The following IKBIP variants were observed in gnomAD, a reference collection of about 807,000 sequenced individuals.
The protein encoded by IKBIP is IKBKB interacting protein.
A neutral mutation model predicts 31.0 loss-of-function variants in IKBIP; 28 were observed. The observed-to-expected ratio is 0.90, with a 90% confidence interval of 0.67 to 1.24. The LOEUF (loss-of-function observed/expected upper bound fraction) is 1.24. Ranked by LOEUF, IKBIP falls within the 50% of genes most tolerant of loss-of-function variation. The pLI, the probability that IKBIP is intolerant of heterozygous loss-of-function variation, is 0.00. For synonymous variants in IKBIP, 164 were observed against 160.3 expected (o/e 1.02, Z -0.17); for missense variants, 453 against 441.9 (o/e 1.03, Z -0.23).
rs375253279 is a variant in IKBIP, at chr12:98,627,521, C to A, written c.298-755G>T. 1.3e-3 allele frequency among the ~76,000 whole-genome samples: 193 copies of A among 150,698 alleles called. 1 individual carries two copies. The highest frequency in any genetic ancestry group is 4.5e-3 in the African/African-American group (186 of 41,050). On this transcript the variant is annotated intron_variant, in intron 2 of 2. Transcript: ENST00000299157. ...TGGCGTGATCTCGGCTCACTGCAAG[C>A]TCCGCCTCCCAGGTTCAAGCCATTC... is the stretch of plus-strand genomic sequence containing the variant.
chr12:98,627,428 GTTTTCT>G (rs2097615599), intron 2 of IKBIP, among the ~76,000 whole-genome samples: 1 of 140,978 alleles, frequency 7.1e-6, no homozygotes, highest in African/African-American at 2.7e-5. Context: ...TTTGATGTCA[GTTTTCT>G]TTTTCTTTTT....
At chr12:98,628,275 A>T (rs757576148) in intron 2 of IKBIP, among the ~76,000 whole-genome samples, 61 of 152,274 alleles carry the variant, frequency 4.0e-4, no homozygotes, top group Non-Finnish European at 4.7e-4. Context: ...TTCAGTGATG[A>T]AGGAAAGTAT....
At chr12:98,642,135 G>C (rs7965771) in intron 1 of IKBIP, among the ~76,000 whole-genome samples, 70,150 of 152,012 alleles carry the variant, frequency 0.46, 16,633 homozygotes, top group Admixed American at 0.54. Context: ...GCTTATCCCA[G>C]GATAGTAACT....
Position 98,633,510 on chromosome 12 carries a change from C to CTTTTTTTTTTT in IKBIP, c.297+775_297+785dup, listed in dbSNP as rs71432181. On this transcript the variant is annotated intron_variant, in intron 2 of 2. Transcript: ENST00000299157. ...GCTAGCCGTTCTTTTTTTTTTAATTCTTTTTTTTTTTTTTTTTTTTTTTTG... is the reference window on the plus strand; with the variant it reads ...GCTAGCCGTTCTTTTTTTTTTAATTCTTTTTTTTTTTTTTTTTTTTTTTTTTTTTTTTTTTG... Among the ~76,000 whole-genome samples, 44 of 61,392 alleles carry CTTTTTTTTTTT rather than the reference C, an allele frequency of 7.2e-4. 1 individual carries two copies. Among genetic ancestry groups the CTTTTTTTTTTT allele is most frequent in the East Asian group, 1.2e-3 (2 of 1,658 alleles). 40.3% of individuals were successfully genotyped at this position (61,392 alleles called of 152,430 possible).
At position 98,624,727 on chromosome 12, in the gene IKBIP, A is replaced by G; in HGVS notation, c.*1203T>C. On this transcript the variant is annotated 3_prime_UTR_variant, in exon 3 of 3. Coordinates refer to ENST00000299157, the MANE Select transcript of IKBIP (RefSeq NM_153687.4). ...AAATCTTTAAAATGACGTATTTTTA[A>G]CTATCATAGTTATTATCATAATTAA... 4 of 895,648 alleles carry G rather than the reference A, an allele frequency of 4.5e-6. No homozygotes were observed. The highest frequency in any genetic ancestry group is 5.3e-6 in the Non-Finnish European group (4 of 748,242). 55.5% of individuals were successfully genotyped at this position (895,648 alleles called of 1,614,324 possible). A position where few individuals can be genotyped will look rare whatever the true frequency, so the allele number is the denominator to read the frequency against.
At chr12:98,643,189 G>C (rs1259598118) in intron 1 of IKBIP, among the ~76,000 whole-genome samples, 4 of 152,152 alleles carry the variant, frequency 2.6e-5, no homozygotes, top group Admixed American at 6.6e-5. Flanking sequence ...CTGACCTCAT[G>C]ATCTGCCCAC....
chr12:98,626,857 C>A, intron 2 of IKBIP, 91 bp from the exon 3 acceptor site: 3 of 970,592 alleles, frequency 3.1e-6, no homozygotes, highest in Non-Finnish European at 4.6e-6. Flanking sequence ...ATAACACATG[C>A]CACGTTAAAA....
intron 1 of IKBIP, among the ~76,000 whole-genome samples, chr12:98,637,610 T>A (rs1176233680): frequency 6.6e-6 from 1 of 152,238 alleles, no homozygotes. Context: ...GGTTTCACCA[T>A]GTTGGCCAGA....
intron 2 of IKBIP, among the ~76,000 whole-genome samples, chr12:98,616,660 G>T (rs1439697378): frequency 6.6e-6 from 1 of 152,092 alleles, no homozygotes. Flanking sequence ...ATTGGTTTTT[G>T]TATATGGTTT....
chr12:98,627,253 G>A (rs1464089485), intron 2 of IKBIP, among the ~76,000 whole-genome samples: 1 of 150,008 alleles, frequency 6.7e-6, no homozygotes, highest in African/African-American at 2.4e-5. Flanking sequence ...ACAGGCGAGA[G>A]CTGCCGCGCC....
chr12:98,628,359 C>A (rs76535310), intron 2 of IKBIP, among the ~76,000 whole-genome samples: 252 of 152,350 alleles, frequency 1.7e-3, no homozygotes, highest in African/African-American at 5.6e-3. Flanking sequence ...TACTACTAGA[C>A]TAAGCTTTTA....
chr12:98,644,581 C>A lies in IKBIP; in HGVS notation c.121G>T (p.Ala41Ser), dbSNP rs374336587. The A allele has an allele frequency of 4.6e-4, 738 of 1,609,044 alleles. 1 individual carries two copies. Among genetic ancestry groups the A allele is most frequent in the Non-Finnish European group, 6.1e-4 (718 of 1,178,336 alleles). ...VARSSGGGGW[A>S]DPRTCLSLLS... ...AGGCTCAGGCACGTTCGGGGGTCTGCCCAGCCCCCGCCTCCGCTGCTCCGG... is the reference window on the plus strand; with the variant it reads ...AGGCTCAGGCACGTTCGGGGGTCTGACCAGCCCCCGCCTCCGCTGCTCCGG... The change falls in exon 1 of 3, where the codon GCA becomes TCA. Residue 41 changes from alanine to serine, a missense_variant. Transcript: ENST00000299157.
At chr12:98,643,567 G>A (rs779804867) in intron 1 of IKBIP, among the ~76,000 whole-genome samples, 40 of 151,842 alleles carry the variant, frequency 2.6e-4, no homozygotes, top group Non-Finnish European at 5.4e-4. Context: ...TTGGTTTTAA[G>A]GTTATTTCTA....
intron 2 of IKBIP, among the ~76,000 whole-genome samples, chr12:98,618,776 G>T (rs985523784): frequency 1.3e-5 from 2 of 152,154 alleles, no homozygotes; most frequent in Admixed American, 1.3e-4. Context: ...ATTGTATTTG[G>T]ATTACTTGGC....
At chr12:98,643,814 TTTC>T (rs1819739171) in intron 1 of IKBIP, among the ~76,000 whole-genome samples, 1 of 122,696 alleles carries the variant, frequency 8.2e-6, no homozygotes, top group Non-Finnish European at 1.8e-5. Context: ...ATGATATGGT[TTTC>T]TTTTTTTTTT....
chr12:98,614,958 G>A (rs2097605471), intron 2 of IKBIP, among the ~76,000 whole-genome samples: 1 of 152,184 alleles, frequency 6.6e-6, no homozygotes, highest in South Asian at 2.1e-4. Flanking sequence ...AGACAGTGAT[G>A]TGGTTTTTCA....
downstream of IKBIP, among the ~76,000 whole-genome samples, chr12:98,621,956 G>A (rs2097610496): frequency 6.6e-6 from 1 of 151,692 alleles, no homozygotes; most frequent in South Asian, 2.1e-4. Context: ...CATGCCTGTA[G>A]TCTCAGCTAC....
In IKBIP at chr12:98,644,585, GC is replaced by G; in HGVS notation, c.116del (p.Gly39AlafsTer9). The G allele has an allele frequency of 6.2e-7, 1 of 1,609,390 alleles. No individual in the cohort carries two copies. Among genetic ancestry groups the G allele is most frequent in the African/African-American group, 1.3e-5 (1 of 74,828 alleles). ...TCAGGCACGTTCGGGGGTCTGCCCAGCCCCCGCCTCCGCTGCTCCGGGCCAC... is the reference window on the plus strand; with the variant it reads ...TCAGGCACGTTCGGGGGTCTGCCCAGCCCCGCCTCCGCTGCTCCGGGCCAC... ...TPVARSSGGG[G>X]WADPRTCLSL... On this transcript the variant is annotated frameshift_variant, in exon 1 of 3. Transcript: ENST00000299157. LOFTEE classifies it high-confidence loss of function.
intron 1 of IKBIP, among the ~76,000 whole-genome samples, chr12:98,641,019 C>T (rs2097629908): frequency 6.6e-6 from 1 of 152,164 alleles, no homozygotes; most frequent in Non-Finnish European, 1.5e-5. Context: ...ACTCGGCCTC[C>T]CAAAGTGCTG....
Sources: allele counts gnomAD v4.1 joint callset (sites outside exome capture counted in the v4.1 genomes callset), GRCh38; gene constraint gnomAD v4.1.1; transcripts MANE v1.5; gene names NCBI Gene and HGNC (gene_info 2026-07-23, HGNC 2026-07-21).